Variants in AP3S2 observed in about 807,000 individuals in gnomAD.
AP3S2 encodes adaptor related protein complex 3 subunit sigma 2, also known as AP-3 complex subunit sigma-2.
In AP3S2, 22 loss-of-function variants were observed where a neutral mutation model predicts 23.4. That is an observed-to-expected ratio of 0.94 (90% confidence interval 0.67 to 1.34). The LOEUF is 1.34. Ranked by LOEUF, AP3S2 falls within the 40% of genes most tolerant of loss-of-function variation. The probability of loss-of-function intolerance (pLI) is 0.00; values close to 1 mark genes in which losing one functional copy is unlikely to be tolerated. For synonymous variants in AP3S2, 86 were observed against 87.1 expected, an observed-to-expected ratio of 0.99 and a Z score of 0.07; for missense variants, 241 against 236.9, an observed-to-expected ratio of 1.02 and a Z score of -0.11.
intron 4 of AP3S2, among the ~76,000 whole-genome samples, chr15:89,839,126 C>G (rs549408601): frequency 9.2e-5 from 14 of 152,176 alleles, no homozygotes; most frequent in African/African-American, 3.4e-4. Flanking sequence ...GGCAAATTCA[C>G]CCCAGCTGAG....
chr15:89,880,668 C>T (rs1372200859), intron 3 of AP3S2, among the ~76,000 whole-genome samples: 5 of 97,362 alleles, frequency 5.1e-5, no homozygotes, highest in African/African-American at 1.8e-4. Flanking sequence ...AGCAAGACTC[C>T]GTCTCAAAAA....
chr15:89,857,413 C>G (rs1895868006), intron 4 of AP3S2, among the ~76,000 whole-genome samples: 1 of 114,198 alleles, frequency 8.8e-6, no homozygotes, highest in Non-Finnish European at 1.8e-5. Flanking sequence ...CAAAAACACT[C>G]TCAGACATCA....
intron 4 of AP3S2, among the ~76,000 whole-genome samples, chr15:89,863,137 G>A (rs2141869477): frequency 6.6e-6 from 1 of 152,188 alleles, no homozygotes; most frequent in East Asian, 1.9e-4. Flanking sequence ...AGATACCACA[G>A]AAACAATAAA....
At chr15:89,884,652 T>G (rs971703712) in intron 3 of AP3S2, among the ~76,000 whole-genome samples, 10 of 146,352 alleles carry the variant, frequency 6.8e-5, no homozygotes, top group African/African-American at 2.2e-4. Flanking sequence ...ATCTTCCCCT[T>G]TTTTTTTTTT....
rs770773669 is a variant in AP3S2 at position 89,868,389 on chromosome 15, T to TGG, written c.345+3084_345+3085dup. Among the ~76,000 whole-genome samples the TGG allele has an allele frequency of 2.1e-3, 41 of 19,368 alleles. 1 individual carries two copies. Among genetic ancestry groups the TGG allele is most frequent in the South Asian group, 7.2e-3 (3 of 416 alleles). The allele number at this position is 19,368 out of a possible 152,430, so 12.7% of individuals were successfully genotyped here. ...CCAGCCGCCCTGTCCGGGAGGGAGG[T>TGG]GGGGGGGTCAGCCCTCCGCCCGGCC... On this transcript the variant is annotated intron_variant, in intron 4 of 5. Transcript: ENST00000336418.
In AP3S2 at chr15:89,832,759, A is replaced by T. The variant is rs1895107291; in HGVS notation, c.*2756T>A. On this transcript the variant is annotated 3_prime_UTR_variant, in exon 6 of 6. Coordinates refer to ENST00000336418, the MANE Select transcript of AP3S2 (RefSeq NM_005829.5). ...CGCCTCGGCCTCCCAAAGTGCTGGGATTACAGGCGTGAGCCACCGCACCTG... is the reference window on the plus strand; with the variant it reads ...CGCCTCGGCCTCCCAAAGTGCTGGGTTTACAGGCGTGAGCCACCGCACCTG... 1 of 152,150 alleles carries T rather than the reference A, an allele frequency of 6.6e-6. No individual in the cohort carries two copies. The highest frequency in any genetic ancestry group is 1.5e-5 in the Non-Finnish European group (1 of 68,040). The allele number at this position is 152,150 out of a possible 1,614,324, so 9.4% of individuals were successfully genotyped here. A position where few individuals can be genotyped will look rare whatever the true frequency, so the allele number is the denominator to read the frequency against.
rs746399967 is a variant in AP3S2 at position 89,889,155 on chromosome 15, G to C, written c.70-15C>G. ...ATTTCTTCTGGCTATGAAACAAAAA[G>C]ATAAGTGAATCAGTGGGCAAGCCTG... is the stretch of plus-strand genomic sequence containing the variant. On this transcript the variant is annotated splice_polypyrimidine_tract_variant and intron_variant, in intron 1 of 5. Coordinates refer to ENST00000336418, the MANE Select transcript of AP3S2 (RefSeq NM_005829.5). 6.2e-7 allele frequency: 1 copy of C among 1,614,056 alleles called. No homozygotes were observed. Among genetic ancestry groups the C allele is most frequent in the South Asian group, 1.1e-5 (1 of 91,078 alleles).
At chr15:89,859,488 G>A (rs1044946174) in intron 4 of AP3S2, among the ~76,000 whole-genome samples, 2 of 145,966 alleles carry the variant, frequency 1.4e-5, no homozygotes, top group African/African-American at 5.0e-5. Context: ...ACACTTCCCA[G>A]GTTCAAGCAA....
rs1314818248 is a variant in AP3S2, at chr15:89,886,052, T to C, written c.273+2469A>G. On this transcript the variant is annotated intron_variant, in intron 3 of 5. Coordinates refer to ENST00000336418, the MANE Select transcript of AP3S2 (RefSeq NM_005829.5). ...CACTAAATATTTAATAAGTGTCTAT[T>C]AAATTATAAAGTTAGAGGCCGGGCG... is the stretch of plus-strand genomic sequence containing the variant. Among the ~76,000 whole-genome samples, 5 of 152,008 alleles carry C rather than the reference T, an allele frequency of 3.3e-5. No individual in the cohort carries two copies. In the East Asian group the frequency reaches 9.6e-4, roughly 29 times the overall value.
At chr15:89,864,695 C>T (rs948949855) in intron 4 of AP3S2, among the ~76,000 whole-genome samples, 1 of 152,010 alleles carries the variant, frequency 6.6e-6, no homozygotes, top group African/African-American at 2.4e-5. Flanking sequence ...AGGCACACCA[C>T]CACGCCCAGC....
At chr15:89,855,493 CCT>C (rs1400849807) in intron 4 of AP3S2, among the ~76,000 whole-genome samples, 1 of 131,008 alleles carries the variant, frequency 7.6e-6, no homozygotes, top group Non-Finnish European at 1.6e-5. Context: ...GCCAAATCCC[CCT>C]CTGTGAGAAA....
At chr15:89,872,508 C>T (rs544654343) in intron 3 of AP3S2, among the ~76,000 whole-genome samples, 1 of 152,292 alleles carries the variant, frequency 6.6e-6, no homozygotes, top group South Asian at 2.1e-4. Context: ...GTAACTACAA[C>T]CTAGGTATCT....
intron 3 of AP3S2, among the ~76,000 whole-genome samples, chr15:89,879,198 CAA>C (rs527478197): frequency 1.3e-5 from 2 of 152,202 alleles, no homozygotes; most frequent in Non-Finnish European, 2.9e-5. Context: ...TCTTAATATT[CAA>C]AAGTCAGTGA....
At chr15:89,864,152 T>C (rs961627669) in intron 4 of AP3S2, among the ~76,000 whole-genome samples, 4 of 152,244 alleles carry the variant, frequency 2.6e-5, no homozygotes, top group Admixed American at 2.0e-4. Context: ...CAAAATACTT[T>C]ATGGAACTTA....
chr15:89,856,288 T>C (rs921931045), intron 4 of AP3S2, among the ~76,000 whole-genome samples: 2 of 152,128 alleles, frequency 1.3e-5, no homozygotes, highest in Non-Finnish European at 2.9e-5. Flanking sequence ...CTTGGCTGGG[T>C]GCAGTGGCTC....
intron 3 of AP3S2, among the ~76,000 whole-genome samples, chr15:89,874,553 T>C (rs1049274285): frequency 5.8e-4 from 88 of 152,172 alleles, no homozygotes; most frequent in African/African-American, 2.1e-3. Flanking sequence ...GACAGGAAGA[T>C]CCCTCGAGCC....
At chr15:89,888,444 G>T in intron 3 of AP3S2, 77 bp downstream of exon 3, 1 of 1,408,268 alleles carries the variant, frequency 7.1e-7, no homozygotes, top group Non-Finnish European at 9.9e-7. Flanking sequence ...ATGGACACAA[G>T]GTTCTACAGG....
At chr15:89,869,816 C>G (rs189226347) in intron 4 of AP3S2, among the ~76,000 whole-genome samples, 1 of 151,644 alleles carries the variant, frequency 6.6e-6, no homozygotes, top group South Asian at 2.1e-4. Context: ...AGCAGTGGCG[C>G]GACCTCGGCT....
intron 1 of AP3S2, among the ~76,000 whole-genome samples, chr15:89,891,461 C>G (rs566653342): frequency 6.6e-6 from 1 of 152,238 alleles, no homozygotes; most frequent in South Asian, 2.1e-4. Flanking sequence ...GAGTTCGAGA[C>G]CAGCCTGGCC....
Sources: gnomAD v4.1 joint callset for allele counts (sites outside exome capture counted in the v4.1 genomes callset) on GRCh38, gnomAD v4.1.1 for gene constraint, MANE v1.5 for transcripts, NCBI Gene and HGNC (gene_info 2026-07-23, HGNC 2026-07-21) for gene names.